RTN4: variants seen among roughly 807,000 people sequenced by gnomAD.
The protein encoded by RTN4 is reticulon-4.
A neutral mutation model predicts 90.4 loss-of-function variants in RTN4; 32 were observed. The ratio of observed to expected loss-of-function variants is 0.35; its 90% confidence interval spans 0.27 to 0.48. RTN4 has a LOEUF of 0.48. Ranked by LOEUF, RTN4 falls within the 20% of genes least tolerant of loss-of-function variation. RTN4 has a pLI of 0.99. For synonymous variants in RTN4, 629 were observed against 552.5 expected, an observed-to-expected ratio of 1.14 and a Z score of -1.94; for missense variants, 1,706 against 1,430.2, an observed-to-expected ratio of 1.19 and a Z score of -3.11.
chr2:55,053,636 A>G (rs1268398297), upstream of RTN4, among the ~76,000 whole-genome samples: 2 of 151,888 alleles, frequency 1.3e-5, no homozygotes, highest in African/African-American at 4.8e-5. Context: ...CAGTGAGCCA[A>G]GATCATGCCA....
intron 1 of RTN4, among the ~76,000 whole-genome samples, chr2:55,037,955 TAG>T (rs1260053800): frequency 2.6e-5 from 4 of 152,130 alleles, no homozygotes; most frequent in Non-Finnish European, 5.9e-5. Flanking sequence ...TAGAACAAAA[TAG>T]ATATATATAA....
chr2:54,982,064 C>T (rs1384290887), intron 5 of RTN4, among the ~76,000 whole-genome samples: 1 of 152,038 alleles, frequency 6.6e-6, no homozygotes, highest in African/African-American at 2.4e-5. Context: ...AAGCGATTCT[C>T]CTGTGCCTCA....
chr2:55,128,727 C>G, the RTN4 span, among the ~76,000 whole-genome samples: 3 of 151,966 alleles, frequency 2.0e-5, no homozygotes, highest in African/African-American at 4.8e-5. Context: ...ATTAAAATAT[C>G]TGAAGCAGGT....
intron 5 of RTN4, among the ~76,000 whole-genome samples, chr2:54,978,431 CAA>C (rs10718270): frequency 0.045 from 3,628 of 81,064 alleles, 155 homozygotes; most frequent in African/African-American, 0.15. Flanking sequence ...ACTCTATCTC[CAA>C]AAAAAAAAAA....
chr2:55,083,774 C>T (rs1033950744), intron 1 of RTN4, among the ~76,000 whole-genome samples: 1 of 152,190 alleles, frequency 6.6e-6, no homozygotes, highest in African/African-American at 2.4e-5. Context: ...TTCCTCTCAT[C>T]ATCCTATCTT....
the RTN4 span, among the ~76,000 whole-genome samples, chr2:55,119,353 G>A: frequency 6.6e-6 from 1 of 152,192 alleles, no homozygotes; most frequent in Non-Finnish European, 1.5e-5. Context: ...CCAGGCTGAC[G>A]ATGGATAGGG....
At chr2:54,990,722 A>T (rs527414067) in intron 3 of RTN4, among the ~76,000 whole-genome samples, 345 of 152,316 alleles carry the variant, frequency 2.3e-3, no homozygotes, top group Non-Finnish European at 4.2e-3. Context: ...TTACTATTAT[A>T]GGGTAAGTAA....
chr2:55,056,618 G>C (rs1287805298), intron 2 of RTN4: 2 of 151,510 alleles, frequency 1.3e-5, no homozygotes, highest in Non-Finnish European at 2.9e-5. Context: ...CTGGGTGACA[G>C]AGCAAGACCC....
At chr2:54,990,074 C>G (rs182605583) in intron 3 of RTN4, among the ~76,000 whole-genome samples, 15 of 152,296 alleles carry the variant, frequency 9.8e-5, no homozygotes, top group Admixed American at 6.5e-4. Flanking sequence ...GGTTGAATAA[C>G]TTACGAGCTA....
intron 3 of RTN4, among the ~76,000 whole-genome samples, chr2:54,999,420 G>A (rs1679692200): frequency 6.6e-6 from 1 of 152,002 alleles, no homozygotes; most frequent in Non-Finnish European, 1.5e-5. Context: ...ATTCTTCTTT[G>A]AACAGCCCGA....
chr2:55,112,821 G>C (rs1668062476), upstream of RTN4, among the ~76,000 whole-genome samples: 1 of 152,246 alleles, frequency 6.6e-6, no homozygotes, highest in Non-Finnish European at 1.5e-5. Flanking sequence ...ATTCAGAGCT[G>C]CTCATGGCTC....
chr2:54,999,896 A>G (rs1469017344), intron 3 of RTN4, among the ~76,000 whole-genome samples: 4 of 152,188 alleles, frequency 2.6e-5, no homozygotes, highest in Non-Finnish European at 5.9e-5. Flanking sequence ...CTCTCTTCAC[A>G]AAGACATTAA....
At chr2:55,017,309 T>C (rs1181693078) in intron 3 of RTN4, among the ~76,000 whole-genome samples, 1 of 152,190 alleles carries the variant, frequency 6.6e-6, no homozygotes, top group Admixed American at 6.5e-5. Flanking sequence ...GTCGTAAGAA[T>C]ATCAAAACAA....
At position 55,050,009 on chromosome 2, in the gene RTN4, G is replaced by T. The variant is rs756006681; in HGVS notation, c.292C>A (p.Pro98Thr). 7 of 1,380,620 alleles carry T rather than the reference G, an allele frequency of 5.1e-6. No homozygotes were observed. In the African/African-American group the frequency reaches 9.1e-5, roughly 18 times the overall value. The allele number at this position is 1,380,620 out of a possible 1,614,324, so 85.5% of individuals were successfully genotyped here. A position where few individuals can be genotyped will look rare whatever the true frequency, so the allele number is the denominator to read the frequency against. Residue 98 changes from proline to threonine, a missense_variant, in exon 1 of 9, where the codon CCC becomes ACC. Pro to Thr is a conservative substitution (Grantham distance 38). Transcript: ENST00000337526. This position sits in a 1 kb window ranked among gnomAD's most constrained non-coding sequence, Gnocchi z 4.6. ...GGCTGCCGCTCCGGGGCGACGGGGG[G>T]AGCGGCCGGCAGGGGTCCCCGGGGC... ...PAPRGPLPAAPPVAPERQPSW... is the reference protein window; with the variant it reads ...PAPRGPLPAATPVAPERQPSW...
the RTN4 span, among the ~76,000 whole-genome samples, chr2:55,131,440 T>C: frequency 6.6e-6 from 1 of 151,992 alleles, no homozygotes; most frequent in African/African-American, 2.4e-5. Flanking sequence ...ACTCCTGGAA[T>C]CAAGTGATCC....
intron 1 of RTN4, among the ~76,000 whole-genome samples, chr2:55,029,177 T>C (rs751248562): frequency 1.3e-5 from 2 of 152,176 alleles, no homozygotes; most frequent in African/African-American, 4.8e-5. Flanking sequence ...CACAGTGAGA[T>C]GGTGGTCACC....
chr2:55,065,930 G>A (rs2920897), intron 2 of RTN4, among the ~76,000 whole-genome samples: 138,805 of 152,252 alleles, frequency 0.91, 63,378 homozygotes, highest in Middle Eastern at 0.98. Flanking sequence ...GTAGAAGGTA[G>A]TGTGCATAAA....
At chr2:55,132,959 T>C in the RTN4 span, among the ~76,000 whole-genome samples, 1 of 151,422 alleles carries the variant, frequency 6.6e-6, no homozygotes, top group African/African-American at 2.4e-5. Flanking sequence ...CACCTGTAAA[T>C]CCTGTACTTT....
chr2:55,019,054 C>T (rs1558810670), intron 3 of RTN4, among the ~76,000 whole-genome samples: 2 of 152,064 alleles, frequency 1.3e-5, no homozygotes, highest in Non-Finnish European at 2.9e-5. Context: ...GGTTGCATGT[C>T]CCTGAGCCTA....
Sources: gnomAD v4.1 joint callset for allele counts (sites outside exome capture counted in the v4.1 genomes callset) on GRCh38, gnomAD v4.1.1 for gene constraint, Gnocchi (gnomAD v3.1) non-coding constraint, MANE v1.5 for transcripts, NCBI Gene and HGNC (gene_info 2026-07-23, HGNC 2026-07-21) for gene names.